NIN: variants seen among roughly 807,000 people sequenced by gnomAD.
NIN encodes the protein ninein.
NIN carries 137 observed loss-of-function variants against 257.6 expected under a neutral mutation model. The observed-to-expected ratio is 0.53, with a 90% CI of 0.46 to 0.61. The LOEUF (loss-of-function observed/expected upper bound fraction) is 0.61, where lower values mean the gene tolerates loss of function less well. Among genes scored for constraint, NIN ranks in the 20% least tolerant of loss-of-function variants. The pLI is 0.00. For missense variants in NIN, 2,439 were observed against 2,501.2 expected (o/e 0.98, Z 0.53); for synonymous variants, 918 against 919.8 (o/e 1.00, Z 0.04).
At chr14:50,824,132 A>G (rs1484482746) in intron 2 of NIN, among the ~76,000 whole-genome samples, 1 of 152,198 alleles carries the variant, frequency 6.6e-6, no homozygotes, top group Non-Finnish European at 1.5e-5. Flanking sequence ...TTTTGCATAT[A>G]TGTTTAAAAA....
chr14:50,803,913 T>TC (rs568571341), intron 4 of NIN, among the ~76,000 whole-genome samples: 2,048 of 151,382 alleles, frequency 0.014, 20 homozygotes, highest in Non-Finnish European at 0.023. Flanking sequence ...CTTTTTTTTT[T>TC]TGAGATGGAG....
rs1353204560 is a variant in NIN at position 50,743,435 on chromosome 14, A to T, written c.5282T>A (p.Leu1761Gln). ...ATGTACCTTTTCCTGAGAAGCCACC[A>T]GCTGTGACTTTAAGCTCGCACTCTG... ...EHQSASLKSQ[L>Q]VASQEKVQNL... The change falls in exon 24 of 31, where the codon CTG becomes CAG. Residue 1761 changes from leucine (L) to glutamine (Q), a missense_variant. By Grantham distance (113) the Leu-to-Gln change is moderately radical. Transcript: ENST00000530997. 6.2e-7 allele frequency: 1 copy of T among 1,610,852 alleles called. No individual in the cohort carries two copies. The highest frequency in any genetic ancestry group is 8.5e-7 in the Non-Finnish European group (1 of 1,177,054).
At chr14:50,811,178 G>A (rs1375160329) in intron 3 of NIN, among the ~76,000 whole-genome samples, 1 of 149,328 alleles carries the variant, frequency 6.7e-6, no homozygotes, top group Non-Finnish European at 1.5e-5. Context: ...GCGCAATCTT[G>A]GCTCACTGCA....
At chr14:50,732,229 A>G (rs533867883) in intron 28 of NIN, among the ~76,000 whole-genome samples, 1 of 152,354 alleles carries the variant, frequency 6.6e-6, no homozygotes, top group South Asian at 2.1e-4. Flanking sequence ...ATATCAGGTT[A>G]GAACCATGAA....
chr14:50,792,587 G>A, intron 5 of NIN, 125 bp downstream of exon 5: 1 of 918,920 alleles, frequency 1.1e-6, no homozygotes. Context: ...AGATTAGCAA[G>A]GAGTTGGTAA....
chr14:50,760,795 C>T (rs2042246838), intron 16 of NIN, among the ~76,000 whole-genome samples: 1 of 152,144 alleles, frequency 6.6e-6, no homozygotes, highest in African/African-American at 2.4e-5. Flanking sequence ...ACCTCAGCCT[C>T]CTGAGTAGTT....
chr14:50,766,880 C>T lies in NIN; in HGVS notation c.1445G>A (p.Arg482His), dbSNP rs779933299. Residue 482 changes from arginine to histidine, a missense_variant, in exon 13 of 31, where the codon CGT becomes CAT. Arg to His is a conservative substitution (Grantham distance 29). Around this residue, in one of 3 missense-constraint regions of NIN, gnomAD observed 2,043 missense variants for 2,050.2 expected, o/e 1.00. Coordinates refer to ENST00000530997, the MANE Select transcript of NIN (RefSeq NM_020921.4). ...RLALSLKENS[R>H]LENELLENAE... ...ATTTTCTAGAAGCTCATTTTCCAGA[C>T]GACTGTTTTCCTGAACAAGTATGGG... 2.0e-5 allele frequency: 32 copies of T among 1,611,672 alleles called. 1 individual carries two copies. The highest frequency in any genetic ancestry group is 2.7e-5 in the African/African-American group (2 of 74,860).
At chr14:50,803,903 C>T (rs1410610881) in intron 4 of NIN, among the ~76,000 whole-genome samples, 3 of 142,740 alleles carry the variant, frequency 2.1e-5, no homozygotes, top group Admixed American at 7.0e-5. Flanking sequence ...CTTTTTTCTT[C>T]TTTTTTTTTT....
At chr14:50,828,235 A>T (rs958284140) in intron 2 of NIN, among the ~76,000 whole-genome samples, 6 of 152,172 alleles carry the variant, frequency 3.9e-5, no homozygotes, top group Non-Finnish European at 7.3e-5. Flanking sequence ...TTCTCTTCTC[A>T]CGTCTATGAA....
At chr14:50,738,746 G>C (rs577414862) in intron 26 of NIN, among the ~76,000 whole-genome samples, 1 of 152,324 alleles carries the variant, frequency 6.6e-6, no homozygotes, top group African/African-American at 2.4e-5. Flanking sequence ...CGTGATAGCA[G>C]TTTCTGGCAT....
chr14:50,780,819 A>G (rs1213857522), intron 5 of NIN, among the ~76,000 whole-genome samples: 1 of 152,222 alleles, frequency 6.6e-6, no homozygotes, highest in Non-Finnish European at 1.5e-5. Context: ...CATGGCATCA[A>G]TGAAAAGTGA....
At chr14:50,732,750 C>T (rs867313201) in intron 28 of NIN, among the ~76,000 whole-genome samples, 2 of 151,592 alleles carry the variant, frequency 1.3e-5, no homozygotes, top group South Asian at 2.1e-4. Context: ...TTTTTTGAGA[C>T]GGAGTCTTGC....
intron 21 of NIN, among the ~76,000 whole-genome samples, chr14:50,751,970 T>C (rs1050982219): frequency 1.3e-5 from 2 of 152,206 alleles, no homozygotes; most frequent in African/African-American, 2.4e-5. Context: ...ATGTTGTGAA[T>C]ATTTTCTCCT....
chr14:50,800,420 T>C (rs963834591), intron 4 of NIN, among the ~76,000 whole-genome samples: 7 of 152,230 alleles, frequency 4.6e-5, no homozygotes, highest in African/African-American at 1.7e-4. Context: ...AGCATTTCTT[T>C]TGAGTATCAT....
At chr14:50,810,562 T>C (rs1009718411) in intron 3 of NIN, among the ~76,000 whole-genome samples, 1 of 152,160 alleles carries the variant, frequency 6.6e-6, no homozygotes, top group Non-Finnish European at 1.5e-5. Flanking sequence ...TATTGACATA[T>C]TGAGATGGAG....
intron 28 of NIN, chr14:50,730,909 A>T: frequency 7.5e-7 from 1 of 1,341,648 alleles, no homozygotes; most frequent in Non-Finnish European, 9.8e-7. Flanking sequence ...GTTCATTGAA[A>T]GAGAATGTTC....
At chr14:50,830,417 T>C (rs531087930) in intron 2 of NIN, 47 bp downstream of exon 2, 1 of 167,014 alleles carries the variant, frequency 6.0e-6, no homozygotes, top group African/African-American at 2.4e-5. Context: ...GACAGCCCAT[T>C]GTGTGGGCAG....
intron 13 of NIN, 121 bp from the exon 14 acceptor site, chr14:50,766,517 T>G: frequency 1.2e-6 from 1 of 862,562 alleles, no homozygotes; most frequent in South Asian, 1.5e-5. Context: ...ATGTGACATG[T>G]AAGCACGAAC....
chr14:50,825,568 C>T (rs1027335942), intron 2 of NIN, among the ~76,000 whole-genome samples: 2 of 152,206 alleles, frequency 1.3e-5, no homozygotes, highest in African/African-American at 4.8e-5. Flanking sequence ...GAAATTGGGG[C>T]TTGGCAAAAT....
Sources: gnomAD v4.1 joint callset for allele counts (sites outside exome capture counted in the v4.1 genomes callset) on GRCh38, gnomAD v4.1.1 for gene constraint, gnomAD v4.1.1 regional missense constraint, MANE v1.5 for transcripts, NCBI Gene and HGNC (gene_info 2026-07-23, HGNC 2026-07-21) for gene names.